The following TOX3 variants were observed in gnomAD, a reference collection of about 807,000 sequenced individuals.
TOX3 encodes the protein CAG trinucleotide repeat-containing gene F9 protein.
TOX3 carries 22 observed loss-of-function variants against 64.3 expected under a neutral mutation model. The ratio of observed to expected loss-of-function variants is 0.34; its 90% CI spans 0.24 to 0.49. The LOEUF is 0.49. Ranked by LOEUF, TOX3 falls within the 20% of genes least tolerant of loss-of-function variation. TOX3 has a pLI of 0.99. For missense variants in TOX3, 661 were observed against 714.4 expected (o/e 0.93, Z 0.85); for synonymous variants, 291 against 273.6 (o/e 1.06, Z -0.63).
At chr16:52,524,798 G>A (rs938628503) in intron 1 of TOX3, among the ~76,000 whole-genome samples, 7 of 151,942 alleles carry the variant, frequency 4.6e-5, no homozygotes, top group Non-Finnish European at 7.4e-5. Flanking sequence ...ATCTGGCCTC[G>A]ACCATCCTCT....
intron 1 of TOX3, among the ~76,000 whole-genome samples, chr16:52,524,502 A>G (rs907123944): frequency 6.6e-6 from 1 of 152,226 alleles, no homozygotes; most frequent in Non-Finnish European, 1.5e-5. Context: ...ACTCAATTAC[A>G]AAGTCTCTTA....
chr16:52,488,335 T>C (rs935516287), intron 1 of TOX3, among the ~76,000 whole-genome samples: 5 of 152,192 alleles, frequency 3.3e-5, no homozygotes, highest in African/African-American at 1.2e-4. Flanking sequence ...CCTCCTTCTC[T>C]GGAATGTCCA....
At chr16:52,496,283 T>C (rs567284934) in intron 1 of TOX3, among the ~76,000 whole-genome samples, 13 of 152,212 alleles carry the variant, frequency 8.5e-5, no homozygotes, top group South Asian at 2.1e-4. Flanking sequence ...TACTGCATTA[T>C]ACCAGGTTAT....
intron 1 of TOX3, among the ~76,000 whole-genome samples, chr16:52,498,164 A>G (rs1395631296): frequency 6.6e-6 from 1 of 152,170 alleles, no homozygotes; most frequent in East Asian, 1.9e-4. Context: ...TTTTCATGGG[A>G]ATCTTTAATA....
intron 2 of TOX3, among the ~76,000 whole-genome samples, chr16:52,467,143 G>A (rs1452949463): frequency 6.6e-6 from 1 of 152,100 alleles, no homozygotes; most frequent in African/African-American, 2.4e-5. Flanking sequence ...GAGAACTGTT[G>A]TATCAACATA....
At chr16:52,448,904 G>A (rs1960250032) in intron 4 of TOX3, among the ~76,000 whole-genome samples, 1 of 152,126 alleles carries the variant, frequency 6.6e-6, no homozygotes, top group Non-Finnish European at 1.5e-5. Context: ...TTCCCCATGG[G>A]GGAGAACACT....
At chr16:52,507,618 C>T (rs928617871) in intron 1 of TOX3, among the ~76,000 whole-genome samples, 3 of 152,040 alleles carry the variant, frequency 2.0e-5, no homozygotes, top group Admixed American at 1.3e-4. Context: ...AAATAAGTCA[C>T]AAATAAGCAA....
At chr16:52,511,848 T>G (rs539428054) in intron 1 of TOX3, among the ~76,000 whole-genome samples, 1 of 152,000 alleles carries the variant, frequency 6.6e-6, no homozygotes, top group Non-Finnish European at 1.5e-5. Context: ...AGAAAAAATA[T>G]TTAATGTAAA....
rs139718046 is a variant in TOX3, at chr16:52,536,458, G to A, written c.87+10179C>T. On this transcript the variant is annotated intron_variant, in intron 1 of 6. Transcript: ENST00000219746. ...AAAAGATGGGATGAAGGCTGGTACC[G>A]TTAAAACACATAAAGCGAGGGTAGA... is the stretch of plus-strand genomic sequence containing the variant. Among the ~76,000 whole-genome samples the A allele has an allele frequency of 1.1e-3, 164 of 150,998 alleles. 4 individuals carry two copies. In the East Asian group the frequency reaches 0.028, roughly 26 times the overall value.
rs748616223 is a variant in TOX3, at chr16:52,439,984, G to T, written c.988-16C>A. On this transcript the variant is annotated splice_polypyrimidine_tract_variant and intron_variant, in intron 6 of 6. Transcript: ENST00000219746. ...CAGCAGCAGCCTGCATTTTGGGGGA[G>T]AAAATTCCAGACTGTTACAACACAT... The T allele has an allele frequency of 1.9e-5, 29 of 1,520,138 alleles. No homozygotes were observed. The South Asian group carries it at 3.8e-4, about 20-fold the overall frequency. The allele number at this position is 1,520,138 out of a possible 1,614,324, so 94.2% of individuals were successfully genotyped here. A position where few individuals can be genotyped will look rare whatever the true frequency, so the allele number is the denominator to read the frequency against.
In TOX3 at chr16:52,439,743, C is replaced by T. The variant is rs191245327; in HGVS notation, c.1213G>A (p.Ala405Thr). Residue 405 changes from alanine (A) to threonine (T), a missense_variant, in exon 7 of 7, where the codon GCC becomes ACC. Transcript: ENST00000219746. ...NQIVTSVTIA[A>T]NMPSNIGAPL... Reference sequence around the variant, plus strand: ...GCCCCAATGTTCGAGGGCATGTTGGCTGCAATGGTGACTGATGTGACAATC... The same window carrying T: ...GCCCCAATGTTCGAGGGCATGTTGGTTGCAATGGTGACTGATGTGACAATC... The T allele has an allele frequency of 7.9e-5, 128 of 1,613,954 alleles. No individual in the cohort carries two copies. In the Middle Eastern group the frequency reaches 8.2e-4, roughly 10 times the overall value.
intron 1 of TOX3, among the ~76,000 whole-genome samples, chr16:52,522,194 A>G (rs774842541): frequency 1.6e-4 from 24 of 152,228 alleles, no homozygotes; most frequent in Admixed American, 1.6e-3. Context: ...AATAAAGACA[A>G]TTAATAACTA....
Position 52,445,695 on chromosome 16 carries a change from A to G in TOX3, c.906+299T>C, listed in dbSNP as rs1960142683. The G allele has an allele frequency of 1.4e-5, 4 of 285,352 alleles. No homozygotes were observed. In the South Asian group the frequency reaches 2.3e-4, roughly 17 times the overall value. 17.7% of individuals were successfully genotyped at this position (285,352 alleles called of 1,614,324 possible). ...TTTTGAACAAAGGGGAAAAAATTCCACATTATTTAAAATGAAAAGATTATC... is the reference window on the plus strand; with the variant it reads ...TTTTGAACAAAGGGGAAAAAATTCCGCATTATTTAAAATGAAAAGATTATC... On this transcript the variant is annotated intron_variant, in intron 5 of 6. Transcript: ENST00000219746.
At chr16:52,534,979 A>G (rs1962919071) in intron 1 of TOX3, among the ~76,000 whole-genome samples, 2 of 152,146 alleles carry the variant, frequency 1.3e-5, no homozygotes, top group East Asian at 3.9e-4. Flanking sequence ...TGGGTATTTT[A>G]AGTGTGCCCA....
intron 1 of TOX3, among the ~76,000 whole-genome samples, chr16:52,481,729 A>AGAGCTT (rs931806959): frequency 2.0e-5 from 3 of 152,250 alleles, no homozygotes; most frequent in African/African-American, 7.2e-5. Context: ...ATAGTGGCAG[A>AGAGCTT]GAGCTTTTGC....
intron 1 of TOX3, among the ~76,000 whole-genome samples, chr16:52,498,076 C>G (rs866248776): frequency 6.6e-6 from 1 of 152,060 alleles, no homozygotes; most frequent in African/African-American, 2.4e-5. Flanking sequence ...GACCAAATCA[C>G]AAAAATAAAA....
At chr16:52,448,612 C>G (rs577420158) in intron 4 of TOX3, among the ~76,000 whole-genome samples, 4 of 152,134 alleles carry the variant, frequency 2.6e-5, no homozygotes, top group South Asian at 2.1e-4. Flanking sequence ...TCTTGAAACC[C>G]CTTCAATTTC....
rs143751002 is a variant in TOX3 at position 52,500,583 on chromosome 16, T to C, written c.88-32009A>G. The stretch of plus-strand genomic sequence containing the variant: ...AAGGCTGATCAAGACCTTCCAACTA[T>C]TGTCACTGCATTTTGCATTCTCATT... On this transcript the variant is annotated intron_variant, in intron 1 of 6. Coordinates refer to ENST00000219746, the MANE Select transcript of TOX3 (RefSeq NM_001080430.4). Among the ~76,000 whole-genome samples, 334 of 152,316 alleles carry C rather than the reference T, an allele frequency of 2.2e-3. 1 individual carries two copies. Among genetic ancestry groups the C allele is most frequent in the African/African-American group, 6.9e-3 (288 of 41,572 alleles).
At chr16:52,462,003 A>G (rs952761763) in intron 3 of TOX3, among the ~76,000 whole-genome samples, 44 of 152,070 alleles carry the variant, frequency 2.9e-4, no homozygotes, top group Non-Finnish European at 1.0e-4. Flanking sequence ...TTTTTTTCCA[A>G]CATTTGTGAT....
Sources: gnomAD v4.1 joint callset for allele counts (sites outside exome capture counted in the v4.1 genomes callset) on GRCh38, gnomAD v4.1.1 for gene constraint, MANE v1.5 for transcripts, NCBI Gene and HGNC (gene_info 2026-07-23, HGNC 2026-07-21) for gene names.